Variants in KYAT1 observed in about 807,000 individuals in gnomAD.
KYAT1 encodes the protein kynurenine aminotransferase 1.
KYAT1 carries 47 observed loss-of-function variants against 52.4 expected under a neutral mutation model. The observed-to-expected ratio is 0.90, with a 90% CI of 0.71 to 1.14. The LOEUF is 1.14. KYAT1 is among the 50% of genes most tolerant of loss of function. The probability of loss-of-function intolerance (pLI) is 0.00; values close to 1 mark genes in which losing one functional copy is unlikely to be tolerated. For synonymous variants in KYAT1, 212 were observed against 209.6 expected, an observed-to-expected ratio of 1.01 and a Z score of -0.10; for missense variants, 480 against 557.9, an observed-to-expected ratio of 0.86 and a Z score of 1.41.
chr9:128,870,076 T>A lies in KYAT1; in HGVS notation c.-7+11821A>T, dbSNP rs145010004. Among the ~76,000 whole-genome samples the A allele has an allele frequency of 8.9e-3, 1,356 of 152,270 alleles. 13 individuals carry two copies. Among genetic ancestry groups the A allele is most frequent in the South Asian group, 0.055 (266 of 4,826 alleles). On this transcript the variant is annotated intron_variant, in intron 1 of 12. Coordinates refer to ENST00000302586, the MANE Select transcript of KYAT1 (RefSeq NM_004059.5). ...CTTTGGTACACAAAACTTTTTAATTTTTATGAAGTCCAAATATAGAAGTAC... is the reference window on the plus strand; with the variant it reads ...CTTTGGTACACAAAACTTTTTAATTATTATGAAGTCCAAATATAGAAGTAC...
At chr9:128,836,329 C>T (rs1420034948) in intron 7 of KYAT1, among the ~76,000 whole-genome samples, 2 of 130,336 alleles carry the variant, frequency 1.5e-5, no homozygotes, top group Admixed American at 8.7e-5. Flanking sequence ...GATGGAGTCT[C>T]GCTCTGTTGC....
At chr9:128,867,233 G>A (rs992168051) in intron 1 of KYAT1, among the ~76,000 whole-genome samples, 4 of 152,180 alleles carry the variant, frequency 2.6e-5, no homozygotes, top group African/African-American at 9.7e-5. Context: ...AGTCTGGAGT[G>A]CAGTGGCACA....
chr9:128,848,561 T>G (rs2119220693), intron 1 of KYAT1, among the ~76,000 whole-genome samples: 1 of 152,236 alleles, frequency 6.6e-6, no homozygotes, highest in East Asian at 1.9e-4. Context: ...CTCACGCCTG[T>G]AATCCCAGCA....
At chr9:128,882,475 C>G, upstream of KYAT1, 1 of 379,630 alleles carries the variant, frequency 2.6e-6, no homozygotes, top group Admixed American at 4.5e-5. Context: ...CGCGCGAGCC[C>G]CCTCCCAGGC....
In KYAT1 at chr9:128,865,342, TATATATA is replaced by T. The variant is rs1564491743; in HGVS notation, c.-7+16548_-7+16554del. ...ATATATATATATATATATATATATA[TATATATA>T]TATATATATATTTTTTTTTTTTTTT... On this transcript the variant is annotated intron_variant, in intron 1 of 12. Coordinates refer to ENST00000302586, the MANE Select transcript of KYAT1 (RefSeq NM_004059.5). Among the ~76,000 whole-genome samples, 9 of 6,382 alleles carry T rather than the reference TATATATA, an allele frequency of 1.4e-3. 1 individual carries two copies. Among genetic ancestry groups the T allele is most frequent in the East Asian group, 5.0e-3 (1 of 200 alleles). 4.2% of individuals were successfully genotyped at this position (6,382 alleles called of 152,430 possible). A position where few individuals can be genotyped will look rare whatever the true frequency, so the allele number is the denominator to read the frequency against.
intron 1 of KYAT1, among the ~76,000 whole-genome samples, chr9:128,859,139 G>A (rs527733727): frequency 2.8e-4 from 43 of 152,210 alleles, no homozygotes; most frequent in African/African-American, 1.0e-3. Flanking sequence ...AAGGCAGGCG[G>A]ATCACGAGGT....
chr9:128,836,936 A>C lies in KYAT1; in HGVS notation c.568-14T>G. 6.2e-7 allele frequency: 1 copy of C among 1,608,880 alleles called. No homozygotes were observed. The highest frequency in any genetic ancestry group is 8.5e-7 in the Non-Finnish European group (1 of 1,178,774). ...CCTGGAGAACACCTGCAGATGCCCA[A>C]GGAGAGCACAGACCTGCAGCTGGGA... On this transcript the variant is annotated splice_polypyrimidine_tract_variant and intron_variant, in intron 6 of 12. Transcript: ENST00000302586.
intron 1 of KYAT1, among the ~76,000 whole-genome samples, chr9:128,863,739 C>T (rs546820768): frequency 2.0e-5 from 3 of 152,260 alleles, no homozygotes; most frequent in East Asian, 3.9e-4. Context: ...ATTCCCGAGT[C>T]GGCCAGCAGG....
intron 1 of KYAT1, among the ~76,000 whole-genome samples, chr9:128,865,345 ATATATATATATATATTTTTTTT>A (rs1836175430): frequency 4.9e-4 from 1 of 2,034 alleles, no homozygotes; most frequent in South Asian, 0.028. Flanking sequence ...ATATATATAT[ATATATATATATATATTTTTTTT>A]TTTTTTTTTT....
At chr9:128,843,127 A>C (rs1410876040) in intron 2 of KYAT1, among the ~76,000 whole-genome samples, 2 of 152,234 alleles carry the variant, frequency 1.3e-5, no homozygotes, top group Non-Finnish European at 2.9e-5. Context: ...AGATCGCACC[A>C]TTGCACTGCA....
chr9:128,837,549 T>C, intron 6 of KYAT1, 136 bp downstream of exon 6: 2 of 1,011,776 alleles, frequency 2.0e-6, no homozygotes, highest in South Asian at 1.6e-5. Context: ...TCTGGAGTCT[T>C]GGTCCTCAGT....
chr9:128,846,730 T>TC, intron 1 of KYAT1: 1 of 1,523,604 alleles, frequency 6.6e-7, no homozygotes, highest in Non-Finnish European at 8.8e-7. Context: ...GTCCTCAGAA[T>TC]CCCTTCAGCA....
At chr9:128,840,340 C>T (rs1474731647) in intron 3 of KYAT1, among the ~76,000 whole-genome samples, 1 of 152,136 alleles carries the variant, frequency 6.6e-6, no homozygotes, top group East Asian at 1.9e-4. Context: ...CCCACTGCAA[C>T]CTCCGCCTCC....
Position 128,841,773 on chromosome 9 carries a change from G to T in KYAT1, c.201+881C>A, listed in dbSNP as rs992994518. ...AGCACTTTTGGAGGCCGAGGTGGCAGGATCACTTGAGCCCAGGAGTTTCAG... is the reference window on the plus strand; with the variant it reads ...AGCACTTTTGGAGGCCGAGGTGGCATGATCACTTGAGCCCAGGAGTTTCAG... On this transcript the variant is annotated intron_variant, in intron 3 of 12. Coordinates refer to ENST00000302586, the MANE Select transcript of KYAT1 (RefSeq NM_004059.5). 3.3e-5 allele frequency among the ~76,000 whole-genome samples: 5 copies of T among 151,962 alleles called. No individual in the cohort carries two copies. In the East Asian group the frequency reaches 7.7e-4, roughly 24 times the overall value.
intron 1 of KYAT1, among the ~76,000 whole-genome samples, chr9:128,866,954 A>ATAATT (rs1427873828): frequency 2.0e-5 from 3 of 152,086 alleles, no homozygotes; most frequent in Non-Finnish European, 4.4e-5. Flanking sequence ...AAAATTAGTC[A>ATAATT]TAATTAGTGA....
chr9:128,863,721 GGT>G (rs998625152), intron 1 of KYAT1, among the ~76,000 whole-genome samples: 1 of 152,146 alleles, frequency 6.6e-6, no homozygotes, highest in Admixed American at 6.5e-5. Flanking sequence ...GGGGCTTGTG[GGT>G]GTGTTATTCC....
intron 1 of KYAT1, among the ~76,000 whole-genome samples, chr9:128,857,565 G>T (rs928691085): frequency 1.3e-5 from 2 of 152,176 alleles, no homozygotes; most frequent in Non-Finnish European, 2.9e-5. Flanking sequence ...GGCTGGGGAC[G>T]GTGTCTCACG....
Position 128,845,206 on chromosome 9 carries a change from G to A in KYAT1, c.53+147C>T, listed in dbSNP as rs1832870032. On this transcript the variant is annotated intron_variant, in intron 2 of 12. Coordinates refer to ENST00000302586, the MANE Select transcript of KYAT1 (RefSeq NM_004059.5). ...AGATTTGAACCAAGCCTACTCCCTC[G>A]GGCCCTGTCTCTCCTGAGCTATGGC... The A allele has an allele frequency of 7.9e-5, 50 of 634,174 alleles. No homozygotes were observed. In the South Asian group the frequency reaches 8.5e-4, roughly 11 times the overall value. 39.3% of individuals were successfully genotyped at this position (634,174 alleles called of 1,614,324 possible).
chr9:128,844,041 T>G (rs941069801), intron 2 of KYAT1, among the ~76,000 whole-genome samples: 1 of 152,120 alleles, frequency 6.6e-6, no homozygotes, highest in South Asian at 2.1e-4. Flanking sequence ...TTGACCCTAC[T>G]CTGGGCAGAA....
Sources: gnomAD v4.1 joint callset for allele counts (sites outside exome capture counted in the v4.1 genomes callset) on GRCh38, gnomAD v4.1.1 for gene constraint, MANE v1.5 for transcripts, NCBI Gene and HGNC (gene_info 2026-07-23, HGNC 2026-07-21) for gene names.